The following C6 variants were observed in gnomAD, a reference collection of about 807,000 sequenced individuals.
The protein encoded by C6 is complement C6.
Under a neutral mutation model 112.9 loss-of-function variants are expected in C6, and 101 were observed. The ratio of observed to expected loss-of-function variants is 0.89; its 90% CI spans 0.76 to 1.06. The LOEUF is 1.06. C6 is among the 50% of genes least tolerant of loss of function. The pLI, the probability that C6 is intolerant of heterozygous loss-of-function variation, is 0.00. For synonymous variants in C6, 431 were observed against 384.1 expected (o/e 1.12, Z -1.43); for missense variants, 1,202 against 1,104.6 (o/e 1.09, Z -1.25).
intron 1 of C6, among the ~76,000 whole-genome samples, chr5:41,234,303 T>C (rs918215940): frequency 6.6e-6 from 1 of 151,914 alleles, no homozygotes; most frequent in East Asian, 1.9e-4. Flanking sequence ...TCCTAGAATA[T>C]TCCAGTGTGG....
Position 41,219,921 on chromosome 5 carries a change from G to A in C6, c.-20-16671C>T, listed in dbSNP as rs1739064519. Among the ~76,000 whole-genome samples the A allele has an allele frequency of 2.0e-5, 3 of 152,186 alleles. No homozygotes were observed. The South Asian group carries it at 6.2e-4, about 32-fold the overall frequency. On this transcript the variant is annotated intron_variant, in intron 1 of 17. Coordinates refer to the C6 transcript ENST00000263413. Reference sequence around the variant, plus strand: ...GTATTGAATCCTGCATGGGAAGACAGCAGTTTCCAATCATCTTTCTACATA... The same window carrying A: ...GTATTGAATCCTGCATGGGAAGACAACAGTTTCCAATCATCTTTCTACATA...
At chr5:41,232,561 G>A (rs545715513) in intron 1 of C6, among the ~76,000 whole-genome samples, 11 of 152,188 alleles carry the variant, frequency 7.2e-5, no homozygotes, top group African/African-American at 2.6e-4. Context: ...AGAATCAGAA[G>A]TCATACGAGG....
chr5:41,146,331 T>C (rs56857014), intron 17 of C6, among the ~76,000 whole-genome samples: 1 of 152,186 alleles, frequency 6.6e-6, no homozygotes, highest in Admixed American at 6.5e-5. Context: ...TAAAATTCCA[T>C]TTTAGATAGA....
At chr5:41,143,159 A>G (rs1300720223) in intron 17 of C6, among the ~76,000 whole-genome samples, 153 bp from the exon 18 acceptor site, 1 of 152,144 alleles carries the variant, frequency 6.6e-6, no homozygotes, top group Non-Finnish European at 1.5e-5. Context: ...CAAAAAATAA[A>G]AATTAAAAAC....
At chr5:41,233,027 T>C (rs1249921315) in intron 1 of C6, among the ~76,000 whole-genome samples, 2 of 152,126 alleles carry the variant, frequency 1.3e-5, no homozygotes, top group Admixed American at 6.6e-5. Flanking sequence ...ATATTTTCAA[T>C]TAATATTCTA....
At chr5:41,200,767 A>T (rs1456212188) in intron 3 of C6, among the ~76,000 whole-genome samples, 1 of 151,960 alleles carries the variant, frequency 6.6e-6, no homozygotes, top group African/African-American at 2.4e-5. Flanking sequence ...AAATTGAGGG[A>T]CTGCTGTGAG....
intron 13 of C6, 149 bp from the exon 14 acceptor site, chr5:41,155,253 G>C: frequency 1.4e-6 from 1 of 716,604 alleles, no homozygotes; most frequent in Non-Finnish European, 2.3e-6. Context: ...ACCTGTTAAA[G>C]TTCTCTGCTT....
intron 1 of C6, among the ~76,000 whole-genome samples, chr5:41,249,046 T>C (rs1398915954): frequency 6.6e-6 from 1 of 152,154 alleles, no homozygotes; most frequent in East Asian, 1.9e-4. Flanking sequence ...AGAAGTTTAA[T>C]GCAGAAATAG....
chr5:41,184,954 G>A (rs974467463), intron 6 of C6, among the ~76,000 whole-genome samples: 5 of 152,054 alleles, frequency 3.3e-5, no homozygotes, highest in African/African-American at 9.7e-5. Flanking sequence ...CCTTTATTTT[G>A]TTACTTGTAA....
chr5:41,172,917 T>C (rs1039630630), intron 8 of C6, among the ~76,000 whole-genome samples: 1 of 152,166 alleles, frequency 6.6e-6, no homozygotes, highest in Non-Finnish European at 1.5e-5. Context: ...CTGGGCTTCT[T>C]CTCCTTAATT....
chr5:41,256,391 C>G (rs972245334), intron 1 of C6, among the ~76,000 whole-genome samples: 1 of 141,138 alleles, frequency 7.1e-6, no homozygotes, highest in African/African-American at 2.7e-5. Context: ...AACTAACGTG[C>G]ACAATGTGCA....
chr5:41,206,248 A>T (rs1751425834), intron 1 of C6, among the ~76,000 whole-genome samples: 1 of 152,226 alleles, frequency 6.6e-6, no homozygotes, highest in Admixed American at 6.5e-5. Flanking sequence ...AAAGGTAGAT[A>T]AAACCACAAA....
intron 13 of C6, among the ~76,000 whole-genome samples, chr5:41,156,518 G>A (rs1746928718): frequency 6.6e-6 from 1 of 152,134 alleles, no homozygotes; most frequent in African/African-American, 2.4e-5. Flanking sequence ...AGCTAGTAAT[G>A]CAATACAATT....
Position 41,260,011 on chromosome 5 carries a change from C to A in C6, c.-21+1183G>T, listed in dbSNP as rs1741945827. ...CCACTCTCAGCTGGAAATCTAAACA[C>A]CTCTGAGGAGAAAGAATTGTTTTAT... is the stretch of plus-strand genomic sequence containing the variant. On this transcript the variant is annotated intron_variant, in intron 1 of 17. Transcript: ENST00000263413. Among the ~76,000 whole-genome samples, 3 of 152,180 alleles carry A rather than the reference C, an allele frequency of 2.0e-5. No homozygotes were observed. The South Asian group carries it at 6.2e-4, about 31-fold the overall frequency.
At position 41,159,128 on chromosome 5, in the gene C6, C is replaced by T. The variant is rs753409567; in HGVS notation, c.1810G>A (p.Glu604Lys). The change falls in exon 12 of 18, where the codon GAG becomes AAG. Residue 604 changes from glutamate (E) to lysine (K), a missense_variant. Physicochemically the swap from Glu to Lys is moderately conservative, Grantham distance 56. Transcript: ENST00000337836. ...GTGCAGTCTTCCTCTTGTCGCTTCT[C>T]CCCCTCACAGCGTTTCCCTCCTCGT... is the stretch of plus-strand genomic sequence containing the variant. Reference protein sequence around the residue: ...PQRGGKRCEGEKRQEEDCTFS... With the variant: ...PQRGGKRCEGKKRQEEDCTFS... The T allele has an allele frequency of 3.3e-5, 53 of 1,613,620 alleles. No individual in the cohort carries two copies. Among genetic ancestry groups the T allele is most frequent in the Non-Finnish European group, 4.5e-5 (53 of 1,179,772 alleles).
chr5:41,201,693 G>A lies in C6; in HGVS notation c.165C>T (p.Tyr55=). 1 of 1,613,520 alleles carries A rather than the reference G, an allele frequency of 6.2e-7. No individual in the cohort carries two copies. Among genetic ancestry groups the A allele is most frequent in the Non-Finnish European group, 8.5e-7 (1 of 1,179,768 alleles). The change falls in exon 3 of 18, where the codon TAC becomes TAT. Residue 55 remains tyrosine, a synonymous_variant. Transcript: ENST00000337836. ...TCTGTTCACAAAAGTTTTCCTGGTAGTACTTATCTACTACTATTTGTCTGT... is the reference window on the plus strand; with the variant it reads ...TCTGTTCACAAAAGTTTTCCTGGTAATACTTATCTACTACTATTTGTCTGT... ...SRHRQIVVDK[Y]YQENFCEQIC... is the part of the protein sequence containing the mutation.
At chr5:41,151,374 C>T (rs562340485) in intron 15 of C6, among the ~76,000 whole-genome samples, 122 of 152,180 alleles carry the variant, frequency 8.0e-4, no homozygotes, top group African/African-American at 2.8e-3. Flanking sequence ...TATGATTCTT[C>T]GGTTTCTGAT....
intron 1 of C6, among the ~76,000 whole-genome samples, chr5:41,248,737 T>A (rs1171413803): frequency 6.6e-6 from 1 of 152,162 alleles, no homozygotes; most frequent in Non-Finnish European, 1.5e-5. Context: ...ATGTAAGTAG[T>A]TCAGCCACAG....
chr5:41,144,380 A>C (rs1288048155), intron 17 of C6, among the ~76,000 whole-genome samples: 1 of 151,818 alleles, frequency 6.6e-6, no homozygotes, highest in Non-Finnish European at 1.5e-5. Flanking sequence ...AGATCCTCCC[A>C]CCTTAGCCAC....
Sources: allele counts gnomAD v4.1 joint callset (sites outside exome capture counted in the v4.1 genomes callset), GRCh38; gene constraint gnomAD v4.1.1; transcripts MANE v1.5; gene names NCBI Gene and HGNC (gene_info 2026-07-23, HGNC 2026-07-21).